Variants in FOXP1 observed in about 807,000 individuals in gnomAD.
FOXP1 encodes forkhead box protein P1.
Under a neutral mutation model 98.2 loss-of-function variants are expected in FOXP1, and 15 were observed. The ratio of observed to expected loss-of-function variants is 0.15; its 90% CI spans 0.10 to 0.24. The LOEUF is 0.24. Among genes scored for constraint, FOXP1 ranks in the 10% least tolerant of loss-of-function variants. FOXP1 has a pLI of 1.00. For missense variants in FOXP1, 633 were observed against 848.5 expected, an observed-to-expected ratio of 0.75 and a Z score of 3.15; for synonymous variants, 371 against 314.5, an observed-to-expected ratio of 1.18 and a Z score of -1.90.
intron 3 of FOXP1, among the ~76,000 whole-genome samples, chr3:71,372,598 T>G (rs2079420727): frequency 6.6e-6 from 1 of 152,210 alleles, no homozygotes; most frequent in Non-Finnish European, 1.5e-5. Flanking sequence ...TGCCTTGCTA[T>G]GCACTCCTCC....
chr3:71,381,437 CTTTTTTTTT>C (rs1171799165), intron 3 of FOXP1, among the ~76,000 whole-genome samples: 2 of 77,702 alleles, frequency 2.6e-5, no homozygotes, highest in South Asian at 9.0e-4. Flanking sequence ...TGCGCCTGGC[CTTTTTTTTT>C]TTTTTTTTTT....
chr3:71,379,717 A>T (rs762898906), intron 3 of FOXP1, among the ~76,000 whole-genome samples: 8 of 152,220 alleles, frequency 5.3e-5, no homozygotes, highest in Non-Finnish European at 1.0e-4. Flanking sequence ...CACCATTCCC[A>T]TTCATCTATG....
In FOXP1 at chr3:71,583,684, G is replaced by GCGCACACACGCA. The variant is rs2048374621; in HGVS notation, c.-572_-561dup. Reference sequence around the variant, plus strand: ...CACACACTCACTCGCGCACACACGCGCGCACACACGCACTCCCGGGCGAGG... The same window carrying GCGCACACACGCA: ...CACACACTCACTCGCGCACACACGCGCGCACACACGCACGCACACACGCACTCCCGGGCGAGG... On this transcript the variant is annotated 5_prime_UTR_variant, in exon 1 of 21. Transcript: ENST00000649528. The GCGCACACACGCA allele has an allele frequency of 3.0e-6, 3 of 984,470 alleles. No homozygotes were observed. Among genetic ancestry groups the GCGCACACACGCA allele is most frequent in the Non-Finnish European group, 3.6e-6 (3 of 829,758 alleles). 61.0% of individuals were successfully genotyped at this position (984,470 alleles called of 1,614,324 possible).
At chr3:71,575,005 C>A (rs575179970) in intron 2 of FOXP1, among the ~76,000 whole-genome samples, 42 of 152,336 alleles carry the variant, frequency 2.8e-4, no homozygotes, top group African/African-American at 9.9e-4. Context: ...TTTCCTCCAA[C>A]TCTGATAATT....
intron 6 of FOXP1, among the ~76,000 whole-genome samples, chr3:71,176,453 A>G (rs1284869624): frequency 6.6e-6 from 1 of 152,208 alleles, no homozygotes; most frequent in East Asian, 1.9e-4. Context: ...CAGCAATCAG[A>G]AAAGTTTTCT....
intron 5 of FOXP1, among the ~76,000 whole-genome samples, chr3:71,224,666 T>C (rs370464034): frequency 1.4e-4 from 22 of 152,266 alleles, no homozygotes; most frequent in African/African-American, 4.8e-4. Flanking sequence ...CAGTGACACA[T>C]AGTAGGTGGA....
intron 3 of FOXP1, among the ~76,000 whole-genome samples, chr3:71,406,364 T>A (rs377125966): frequency 1.4e-5 from 2 of 138,504 alleles, no homozygotes; most frequent in Admixed American, 1.5e-4. Flanking sequence ...TTTTCGTTAT[T>A]TTTTTCTTTT....
chr3:71,417,245 T>G (rs1024864108), intron 3 of FOXP1, among the ~76,000 whole-genome samples: 4 of 152,202 alleles, frequency 2.6e-5, no homozygotes, highest in Non-Finnish European at 5.9e-5. Flanking sequence ...AATAAACATT[T>G]TGAGTCCCCA....
intron 4 of FOXP1, among the ~76,000 whole-genome samples, chr3:71,300,211 A>G (rs2107559662): frequency 6.6e-6 from 1 of 152,360 alleles, no homozygotes; most frequent in South Asian, 2.1e-4. Context: ...TGGAAACCAG[A>G]CTGCCACTTG....
At chr3:71,304,010 G>A (rs2074068256) in intron 4 of FOXP1, among the ~76,000 whole-genome samples, 1 of 152,152 alleles carries the variant, frequency 6.6e-6, no homozygotes, top group African/African-American at 2.4e-5. Flanking sequence ...GTGCGACTTT[G>A]AATCCACCAT....
chr3:71,511,757 A>G (rs1196948416), intron 2 of FOXP1, among the ~76,000 whole-genome samples: 1 of 152,236 alleles, frequency 6.6e-6, no homozygotes, highest in Non-Finnish European at 1.5e-5. Context: ...TCATGGTTCA[A>G]TGACTTAAAA....
chr3:71,333,322 A>G (rs1423782727), intron 4 of FOXP1: 2 of 152,194 alleles, frequency 1.3e-5, no homozygotes, highest in Non-Finnish European at 2.9e-5. Flanking sequence ...CCACCCTGCT[A>G]AAAGTTCAGA....
chr3:70,956,113 G>A lies in FOXP1; in HGVS notation c.*3134C>T. The A allele has an allele frequency of 4.3e-6, 1 of 232,658 alleles. No homozygotes were observed. Among genetic ancestry groups the A allele is most frequent in the Middle Eastern group, 1.3e-3 (1 of 784 alleles). The allele number at this position is 232,658 out of a possible 1,614,324, so 14.4% of individuals were successfully genotyped here. ...TTAATATAAAGCAGTTGCACAAAAA[G>A]CAAAGGTGTTTTGACAAACAGGTGT... is the stretch of plus-strand genomic sequence containing the variant. On this transcript the variant is annotated 3_prime_UTR_variant, in exon 21 of 21. Transcript: ENST00000649528.
At chr3:71,188,484 G>A (rs906979253) in intron 6 of FOXP1, among the ~76,000 whole-genome samples, 4 of 150,016 alleles carry the variant, frequency 2.7e-5, no homozygotes, top group South Asian at 2.1e-4. Flanking sequence ...GCACAATCTC[G>A]GCTCACTGCA....
intron 6 of FOXP1, among the ~76,000 whole-genome samples, chr3:71,150,572 C>T (rs10865657): frequency 0.35 from 53,613 of 151,816 alleles, 10,007 homozygotes; most frequent in East Asian, 0.61. Flanking sequence ...TCCTTAACAC[C>T]CTCCAACTTC....
intron 2 of FOXP1, among the ~76,000 whole-genome samples, chr3:71,530,873 A>T (rs1079409): frequency 2.0e-4 from 31 of 151,790 alleles, no homozygotes; most frequent in African/African-American, 6.8e-4. Context: ...GAAGAAAACT[A>T]CCCCCCAACC....
At chr3:71,329,412 G>A (rs185956505) in intron 4 of FOXP1, among the ~76,000 whole-genome samples, 191 of 151,596 alleles carry the variant, frequency 1.3e-3, no homozygotes, top group Admixed American at 2.9e-3. Flanking sequence ...TAGTAGAGAC[G>A]GGGTTTCACT....
At chr3:71,278,919 T>C (rs2071208026) in intron 5 of FOXP1, among the ~76,000 whole-genome samples, 1 of 151,734 alleles carries the variant, frequency 6.6e-6, no homozygotes, top group African/African-American at 2.4e-5. Context: ...GGGCCGGGCA[T>C]GGTGGCTCAG....
chr3:71,221,728 C>G (rs536211037), intron 5 of FOXP1, among the ~76,000 whole-genome samples: 5 of 152,328 alleles, frequency 3.3e-5, no homozygotes, highest in Admixed American at 3.3e-4. Context: ...ATCCTGCAAC[C>G]TCTTTCCTCC....
Sources: allele counts gnomAD v4.1 joint callset (sites outside exome capture counted in the v4.1 genomes callset), GRCh38; gene constraint gnomAD v4.1.1; transcripts MANE v1.5; gene names NCBI Gene and HGNC (gene_info 2026-07-23, HGNC 2026-07-21).